Variants in LHPP observed in about 807,000 individuals in gnomAD.
LHPP encodes hLHPP.
A neutral mutation model predicts 30.3 loss-of-function variants in LHPP; 24 were observed. The observed-to-expected ratio is 0.79, with a 90% CI of 0.57 to 1.11. LHPP has a LOEUF of 1.11. Among genes scored for constraint, LHPP ranks in the 50% most tolerant of loss-of-function variants. LHPP has a pLI of 0.00. For missense variants in LHPP, 356 were observed against 367.2 expected (o/e 0.97, Z 0.25); for synonymous variants, 150 against 157.1 (o/e 0.95, Z 0.34).
At chr10:124,546,714 C>T (rs181547163) in intron 6 of LHPP, among the ~76,000 whole-genome samples, 25 of 152,268 alleles carry the variant, frequency 1.6e-4, no homozygotes, top group Admixed American at 4.6e-4. Flanking sequence ...CCGCCTCATG[C>T]GGTTGTATCT....
At chr10:124,531,316 AAC>A (rs1954898279) in intron 6 of LHPP, among the ~76,000 whole-genome samples, 1 of 152,114 alleles carries the variant, frequency 6.6e-6, no homozygotes, top group African/African-American at 2.4e-5. Flanking sequence ...TTGTACCCAA[AAC>A]ACAGTCTCAC....
At chr10:124,521,728 G>T (rs1954617505) in intron 6 of LHPP, among the ~76,000 whole-genome samples, 3 of 152,186 alleles carry the variant, frequency 2.0e-5, no homozygotes, top group Non-Finnish European at 4.4e-5. Context: ...GGGGGCAGCG[G>T]TCAGTCCTGC....
intron 6 of LHPP, among the ~76,000 whole-genome samples, chr10:124,574,906 C>T (rs1948638516): frequency 6.6e-6 from 1 of 152,124 alleles, no homozygotes; most frequent in Non-Finnish European, 1.5e-5. Context: ...GGGAACCCAC[C>T]TGGGTTGTGG....
At chr10:124,486,921 A>G (rs1273863102) in intron 2 of LHPP, among the ~76,000 whole-genome samples, 1 of 152,260 alleles carries the variant, frequency 6.6e-6, no homozygotes, top group Admixed American at 6.5e-5. Context: ...CCAGTCCTGA[A>G]GACAGGCCTT....
At chr10:124,545,331 A>G (rs966663798) in intron 6 of LHPP, among the ~76,000 whole-genome samples, 1 of 152,212 alleles carries the variant, frequency 6.6e-6, no homozygotes, top group Non-Finnish European at 1.5e-5. Flanking sequence ...GATCATGCCC[A>G]TAACATAGAC....
At chr10:124,503,114 G>A (rs1250426642) in intron 5 of LHPP, among the ~76,000 whole-genome samples, 1 of 151,432 alleles carries the variant, frequency 6.6e-6, no homozygotes, top group Non-Finnish European at 1.5e-5. Context: ...CTGTTGCCCA[G>A]GCTGGAGTGC....
intron 6 of LHPP, among the ~76,000 whole-genome samples, chr10:124,540,397 A>C (rs1955152509): frequency 6.6e-6 from 1 of 152,134 alleles, no homozygotes. Context: ...GGCTAGGGCC[A>C]GGGGGGCTGC....
chr10:124,528,416 T>C (rs1294302708), intron 6 of LHPP, among the ~76,000 whole-genome samples: 3 of 151,990 alleles, frequency 2.0e-5, no homozygotes, highest in Non-Finnish European at 4.4e-5. Flanking sequence ...TGGAGTGCAA[T>C]GGTGCGATCT....
chr10:124,511,753 T>G (rs1954304757), intron 5 of LHPP, among the ~76,000 whole-genome samples: 1 of 152,208 alleles, frequency 6.6e-6, no homozygotes, highest in Non-Finnish European at 1.5e-5. Context: ...TCCTGATGAT[T>G]CCTTGGTTAT....
intron 5 of LHPP, among the ~76,000 whole-genome samples, chr10:124,505,526 A>C (rs542104568): frequency 7.2e-5 from 11 of 152,320 alleles, no homozygotes; most frequent in African/African-American, 2.6e-4. Flanking sequence ...ACCTTTCCTC[A>C]GTGGCCTAGA....
intron 6 of LHPP, among the ~76,000 whole-genome samples, chr10:124,525,560 G>A (rs1318769537): frequency 6.6e-6 from 1 of 152,204 alleles, no homozygotes; most frequent in Admixed American, 6.5e-5. Flanking sequence ...TGGGCCTCCT[G>A]AGAGAGTGGG....
chr10:124,470,863 AG>A (rs931092972), intron 1 of LHPP, among the ~76,000 whole-genome samples: 2 of 152,078 alleles, frequency 1.3e-5, no homozygotes, highest in African/African-American at 4.8e-5. Flanking sequence ...ACCTTGGACA[AG>A]GGGTGTTTGT....
At chr10:124,553,127 C>G (rs1041523513) in intron 6 of LHPP, among the ~76,000 whole-genome samples, 1 of 152,224 alleles carries the variant, frequency 6.6e-6, no homozygotes, top group African/African-American at 2.4e-5. Flanking sequence ...TTTTAGCACC[C>G]AGGGACTCTG....
At chr10:124,467,113 G>A (rs1471206120) in intron 1 of LHPP, among the ~76,000 whole-genome samples, 1 of 125,152 alleles carries the variant, frequency 8.0e-6, no homozygotes, top group Admixed American at 9.0e-5. Context: ...GACAGAGTGA[G>A]ACTCTAAAAA....
chr10:124,462,832 G>A (rs1236566799), intron 1 of LHPP, among the ~76,000 whole-genome samples: 1 of 152,046 alleles, frequency 6.6e-6, no homozygotes, highest in Non-Finnish European at 1.5e-5. Context: ...CGAGTAGCTG[G>A]GATTACAGGC....
intron 6 of LHPP, among the ~76,000 whole-genome samples, chr10:124,577,151 G>A (rs996883643): frequency 2.0e-5 from 3 of 152,144 alleles, no homozygotes; most frequent in African/African-American, 4.8e-5. Flanking sequence ...AGGTGGGTCC[G>A]TGCTGGACCA....
At chr10:124,530,673 C>T (rs759310929) in intron 6 of LHPP, among the ~76,000 whole-genome samples, 5 of 152,222 alleles carry the variant, frequency 3.3e-5, no homozygotes, top group Non-Finnish European at 5.9e-5. Context: ...CTCTGCCTCT[C>T]GGGGCCCTGG....
intron 1 of LHPP, among the ~76,000 whole-genome samples, chr10:124,467,250 A>G (rs1247363965): frequency 6.6e-6 from 1 of 151,822 alleles, no homozygotes; most frequent in Non-Finnish European, 1.5e-5. Flanking sequence ...GGAGATGGGG[A>G]GGAAGGCATG....
At chr10:124,538,817 G>C (rs1955104204) in intron 6 of LHPP, among the ~76,000 whole-genome samples, 1 of 152,198 alleles carries the variant, frequency 6.6e-6, no homozygotes, top group Non-Finnish European at 1.5e-5. Context: ...GGACAGTCAT[G>C]GTCCTCAGAG....
Sources: allele counts gnomAD v4.1 joint callset (sites outside exome capture counted in the v4.1 genomes callset), GRCh38; gene constraint gnomAD v4.1.1; transcripts MANE v1.5; gene names NCBI Gene and HGNC (gene_info 2026-07-23, HGNC 2026-07-21).